ACVR1: variants seen among roughly 807,000 people sequenced by gnomAD.
ACVR1 encodes activin A receptor type 1.
A neutral mutation model predicts 57.1 loss-of-function variants in ACVR1; 38 were observed. The ratio of observed to expected loss-of-function variants is 0.67; its 90% CI spans 0.51 to 0.87. The LOEUF (loss-of-function observed/expected upper bound fraction) is 0.87. Among genes scored for constraint, ACVR1 ranks in the 40% least tolerant of loss-of-function variants. The probability of loss-of-function intolerance (pLI) is 0.00; values close to 1 mark genes in which losing one functional copy is unlikely to be tolerated. For missense variants in ACVR1, 463 were observed against 638.2 expected (o/e 0.73, Z 2.96); for synonymous variants, 212 against 228.1 (o/e 0.93, Z 0.63).
Position 157,774,191 on chromosome 2 carries a change from T to C in ACVR1, c.544-4A>G, listed in dbSNP as rs1451053733. ...TACACGAATGATCCAATAAATCCTG[T>C]GGTTTAAGACAAGGGGGAAAAGAAA... is the stretch of plus-strand genomic sequence containing the variant. On this transcript the variant is annotated splice_region_variant and splice_polypyrimidine_tract_variant and intron_variant, in intron 5 of 10. Transcript: ENST00000434821. 6.2e-7 allele frequency: 1 copy of C among 1,612,806 alleles called. No homozygotes were observed. Among genetic ancestry groups the C allele is most frequent in the Non-Finnish European group, 8.5e-7 (1 of 1,178,972 alleles).
At chr2:157,770,912 C>CA (rs1686049416) in intron 6 of ACVR1, among the ~76,000 whole-genome samples, 1 of 152,076 alleles carries the variant, frequency 6.6e-6, no homozygotes, top group South Asian at 2.1e-4. Context: ...TTCTGAAAGC[C>CA]AAAAAAGTGT....
intron 1 of ACVR1, 47 bp downstream of exon 1, chr2:157,875,749 C>A (rs1410222965): frequency 6.6e-6 from 1 of 152,092 alleles, no homozygotes; most frequent in East Asian, 1.9e-4. Context: ...TACCTCCTCC[C>A]TCAGTCCTCC....
At chr2:157,846,150 A>G (rs544725671) in intron 1 of ACVR1, among the ~76,000 whole-genome samples, 3 of 152,340 alleles carry the variant, frequency 2.0e-5, no homozygotes, top group South Asian at 4.1e-4. Context: ...TCCTTTTAAG[A>G]AAGAGACAAG....
intron 4 of ACVR1, among the ~76,000 whole-genome samples, chr2:157,778,895 C>T (rs1686401367): frequency 6.6e-6 from 1 of 152,198 alleles, no homozygotes; most frequent in Non-Finnish European, 1.5e-5. Flanking sequence ...GTTCAGACCT[C>T]TCCATGACAT....
intron 3 of ACVR1, among the ~76,000 whole-genome samples, chr2:157,788,330 C>T (rs1686787940): frequency 6.6e-6 from 1 of 152,144 alleles, no homozygotes; most frequent in Non-Finnish European, 1.5e-5. Flanking sequence ...TTCCTAAGTT[C>T]TAAGTTATAT....
chr2:157,741,779 A>AG (rs926491009), intron 9 of ACVR1, among the ~76,000 whole-genome samples: 9 of 152,170 alleles, frequency 5.9e-5, no homozygotes, highest in African/African-American at 1.9e-4. Context: ...GGCACTTGGC[A>AG]GGGCTCAGAG....
intron 9 of ACVR1, among the ~76,000 whole-genome samples, chr2:157,755,169 A>C (rs1485922341): frequency 6.6e-6 from 1 of 152,116 alleles, no homozygotes; most frequent in African/African-American, 2.4e-5. Flanking sequence ...AACAGGGAAA[A>C]AGTTGAAAGC....
intron 1 of ACVR1, among the ~76,000 whole-genome samples, chr2:157,853,087 T>G (rs1689379322): frequency 6.6e-6 from 1 of 152,232 alleles, no homozygotes; most frequent in African/African-American, 2.4e-5. Flanking sequence ...TATTTTTAAA[T>G]CAAAATAGAG....
intron 1 of ACVR1, among the ~76,000 whole-genome samples, chr2:157,866,043 A>T (rs951482768): frequency 6.6e-6 from 1 of 152,272 alleles, no homozygotes; most frequent in Admixed American, 6.5e-5. Context: ...TCATAATATG[A>T]CTAGTATCAA....
chr2:157,790,719 T>G (rs1193587695), intron 3 of ACVR1, among the ~76,000 whole-genome samples: 1 of 152,120 alleles, frequency 6.6e-6, no homozygotes, highest in Non-Finnish European at 1.5e-5. Context: ...GAAAATGGAG[T>G]ATGTGTGCCT....
At chr2:157,847,897 T>C (rs1037801543) in intron 1 of ACVR1, among the ~76,000 whole-genome samples, 1 of 152,080 alleles carries the variant, frequency 6.6e-6, no homozygotes, top group Non-Finnish European at 1.5e-5. Context: ...GTCTGGTGAA[T>C]AGTAGGATGT....
chr2:157,760,749 T>C (rs1176418009), intron 9 of ACVR1, 131 bp downstream of exon 9: 3 of 861,616 alleles, frequency 3.5e-6, no homozygotes, highest in African/African-American at 1.7e-5. Context: ...AAATCAAATA[T>C]GAATGCCTAT....
At chr2:157,789,960 A>T (rs1447354620) in intron 3 of ACVR1, among the ~76,000 whole-genome samples, 1 of 152,224 alleles carries the variant, frequency 6.6e-6, no homozygotes, top group African/African-American at 2.4e-5. Context: ...GGAGAACAAT[A>T]TGAAGTCTTC....
At chr2:157,747,158 A>G (rs1684997674) in intron 9 of ACVR1, among the ~76,000 whole-genome samples, 1 of 152,238 alleles carries the variant, frequency 6.6e-6, no homozygotes, top group Non-Finnish European at 1.5e-5. Context: ...TTTATATGCA[A>G]TAATTTCAAA....
intron 1 of ACVR1, among the ~76,000 whole-genome samples, chr2:157,854,136 ATAGT>A (rs1468777012): frequency 6.6e-6 from 1 of 151,854 alleles, no homozygotes; most frequent in Non-Finnish European, 1.5e-5. Context: ...AGCCTAGCAC[ATAGT>A]TAGTATTCAA....
intron 2 of ACVR1, among the ~76,000 whole-genome samples, chr2:157,802,965 T>C (rs1687380336): frequency 6.6e-6 from 1 of 151,940 alleles, no homozygotes; most frequent in African/African-American, 2.4e-5. Context: ...TAGCATCCCT[T>C]CCCCACCATG....
At chr2:157,816,144 T>C (rs1006069073) in intron 2 of ACVR1, among the ~76,000 whole-genome samples, 2 of 152,222 alleles carry the variant, frequency 1.3e-5, no homozygotes, top group Non-Finnish European at 2.9e-5. Context: ...ATAATTAATA[T>C]GCATATTTGT....
chr2:157,844,535 G>T (rs1689071121), intron 1 of ACVR1, among the ~76,000 whole-genome samples: 1 of 152,244 alleles, frequency 6.6e-6, no homozygotes, highest in South Asian at 2.1e-4. Flanking sequence ...AAAATCTCCT[G>T]TGATATTTCA....
intron 2 of ACVR1, among the ~76,000 whole-genome samples, chr2:157,799,870 A>G (rs1687259815): frequency 6.6e-6 from 1 of 152,196 alleles, no homozygotes; most frequent in African/African-American, 2.4e-5. Flanking sequence ...AAATTAAAAA[A>G]CCTGAGAAGC....
Sources: allele counts gnomAD v4.1 joint callset (sites outside exome capture counted in the v4.1 genomes callset), GRCh38; gene constraint gnomAD v4.1.1; transcripts MANE v1.5; gene names NCBI Gene and HGNC (gene_info 2026-07-23, HGNC 2026-07-21).